The following BAZ2A variants were observed in gnomAD, a reference collection of about 807,000 sequenced individuals.
The protein encoded by BAZ2A is bromodomain adjacent to zinc finger domain protein 2A.
BAZ2A carries 34 observed loss-of-function variants against 199.9 expected under a neutral mutation model. That is an observed-to-expected ratio of 0.17 (90% confidence interval 0.13 to 0.23). The LOEUF (loss-of-function observed/expected upper bound fraction) is 0.23, where lower values mean the gene tolerates loss of function less well. BAZ2A is among the 10% of genes least tolerant of loss of function. The pLI, the probability that BAZ2A is intolerant of heterozygous loss-of-function variation, is 1.00. For missense variants in BAZ2A, 2,002 were observed against 2,391.1 expected (o/e 0.84, Z 3.39); for synonymous variants, 857 against 883.9 (o/e 0.97, Z 0.54).
chr12:56,600,169 A>G (rs1235579953), intron 24 of BAZ2A, 32 bp downstream of exon 24: 2 of 1,612,258 alleles, frequency 1.2e-6, no homozygotes, highest in African/African-American at 2.7e-5. Flanking sequence ...CTTTCTCTCC[A>G]AGACCAAGAA....
chr12:56,604,775 C>T lies in BAZ2A; in HGVS notation c.2773G>A (p.Val925Met), dbSNP rs201075316. The change falls in exon 15 of 29, where the codon GTG (valine) becomes ATG (methionine). Residue 925 changes from valine to methionine, a missense_variant. Val to Met is a conservative substitution (Grantham distance 21). Around this residue, in one of 6 missense-constraint regions of BAZ2A, gnomAD observed 1,081 missense variants for 1,274.7 expected, o/e 0.85. Coordinates refer to ENST00000549884, the MANE Select transcript of BAZ2A (RefSeq NM_001300905.2). ...CQSLKILGEK[V>M]SEIPLTRDNV... ...TCTCTTGTCAGTGGGATCTCAGACACCTTCTCCCCCAAGATCTTTAGGGAC... is the reference window on the plus strand; with the variant it reads ...TCTCTTGTCAGTGGGATCTCAGACATCTTCTCCCCCAAGATCTTTAGGGAC... 73 of 1,613,764 alleles carry T rather than the reference C, an allele frequency of 4.5e-5. No individual in the cohort carries two copies. The African/African-American group carries it at 8.5e-4, about 19-fold the overall frequency.
intron 1 of BAZ2A, among the ~76,000 whole-genome samples, chr12:56,627,608 T>C (rs1951143425): frequency 6.6e-6 from 1 of 151,896 alleles, no homozygotes; most frequent in South Asian, 2.1e-4. Flanking sequence ...GCAGGTCACT[T>C]GAGCCCAGGA....
chr12:56,601,903 C>A lies in BAZ2A; in HGVS notation c.3714G>T (p.Gln1238His), dbSNP rs753258600. The change falls in exon 20 of 29, where the codon CAG (glutamine) becomes CAT (histidine). Residue 1238 changes from glutamine (Q) to histidine (H), a missense_variant. Coordinates refer to ENST00000549884, the MANE Select transcript of BAZ2A (RefSeq NM_001300905.2). Reference protein sequence around the residue: ...PAQPQPQLQLQLQSHKGFLEQ... With the variant: ...PAQPQPQLQLHLQSHKGFLEQ... ...CCAGGAACCCCTTATGGGACTGAAG[C>A]TGAAGCTGAAGCTGAGGCTGGGGCT... The A allele has an allele frequency of 5.0e-6, 8 of 1,605,352 alleles. No homozygotes were observed. Among genetic ancestry groups the A allele is most frequent in the Non-Finnish European group, 6.8e-6 (8 of 1,175,672 alleles).
At chr12:56,610,090 CA>C in intron 9 of BAZ2A, 23 bp downstream of exon 9, 1 of 1,611,206 alleles carries the variant, frequency 6.2e-7, no homozygotes, top group Non-Finnish European at 8.5e-7. Flanking sequence ...GGGACAAAAG[CA>C]TATTTAACCC....
intron 16 of BAZ2A, among the ~76,000 whole-genome samples, chr12:56,603,927 C>T (rs999341681): frequency 6.6e-6 from 1 of 152,098 alleles, no homozygotes; most frequent in African/African-American, 2.4e-5. Flanking sequence ...GCAGAAGAAT[C>T]GCTTGAACCT....
rs1025015042 is a variant in BAZ2A at position 56,595,648 on chromosome 12, T to C, written c.*2970A>G. Reference sequence around the variant, plus strand: ...GTGGGAAGTGGTAAGCTGGTGATGGTCCCATATTTGCTATGACAGGAACAC... The same window carrying C: ...GTGGGAAGTGGTAAGCTGGTGATGGCCCCATATTTGCTATGACAGGAACAC... On this transcript the variant is annotated 3_prime_UTR_variant, in exon 29 of 29. Transcript: ENST00000549884. The C allele has an allele frequency of 2.6e-5, 4 of 152,000 alleles. No individual in the cohort carries two copies. The highest frequency in any genetic ancestry group is 9.7e-5 in the African/African-American group (4 of 41,360). The allele number at this position is 152,000 out of a possible 1,614,324, so 9.4% of individuals were successfully genotyped here. A position where few individuals can be genotyped will look rare whatever the true frequency, so the allele number is the denominator to read the frequency against.
chr12:56,624,597 TCTTA>T (rs767703568), intron 1 of BAZ2A, among the ~76,000 whole-genome samples: 12 of 149,736 alleles, frequency 8.0e-5, no homozygotes, highest in African/African-American at 1.2e-4. Flanking sequence ...TGGGCTTTGC[TCTTA>T]CTATTTTCAG....
rs760343891 is a variant in BAZ2A at position 56,602,057 on chromosome 12, C to T, written c.3560G>A (p.Arg1187Gln). 4.2e-5 allele frequency: 65 copies of T among 1,560,280 alleles called. No individual in the cohort carries two copies. The highest frequency in any genetic ancestry group is 5.6e-5 in the Non-Finnish European group (64 of 1,151,740). The change falls in exon 20 of 29, where the codon CGA (arginine) becomes CAA (glutamine). Residue 1187 changes from arginine (R) to glutamine (Q), a missense_variant. Coordinates refer to ENST00000549884, the MANE Select transcript of BAZ2A (RefSeq NM_001300905.2). The part of the protein sequence containing the change: ...NTTASSPARA[R>Q]GRPRKTKPGS... ...GGGCTTAGTTTTTCGAGGTCGGCCT[C>T]GGGCCCGGGCAGGAGAACTGGCAGT...
chr12:56,602,151 C>T lies in BAZ2A; in HGVS notation c.3466G>A (p.Val1156Met), dbSNP rs780214818. The change falls in exon 20 of 29, where the codon GTG (valine) becomes ATG (methionine). Residue 1156 changes from valine to methionine, a missense_variant. Coordinates refer to ENST00000549884, the MANE Select transcript of BAZ2A (RefSeq NM_001300905.2). ...GGGTTGAGTGACGCATGGGCTGCCA[C>T]TTTTAAGGAGTCAGTTTCCTTCTTT... is the stretch of plus-strand genomic sequence containing the variant. ...VIKKETDSLK[V>M]AAHASLNPAL... 3.8e-6 allele frequency: 6 copies of T among 1,592,078 alleles called. No homozygotes were observed. Among genetic ancestry groups the T allele is most frequent in the Non-Finnish European group, 4.3e-6 (5 of 1,168,874 alleles).
rs760343748 is a variant in BAZ2A at position 56,609,780 on chromosome 12, A to G, written c.2048T>C (p.Leu683Ser). Residue 683 changes from leucine (L) to serine (S), a missense_variant, in exon 10 of 29, where the codon TTG becomes TCG. By Grantham distance (145) the Leu-to-Ser change is moderately radical (BLOSUM62 -2). Coordinates refer to ENST00000549884, the MANE Select transcript of BAZ2A (RefSeq NM_001300905.2). Reference protein sequence around the residue: ...RPPKVKITELLNKTDNRPLKK... With the variant: ...RPPKVKITELSNKTDNRPLKK... ...TAGGGGGCGGTTGTCTGTCTTGTTC[A>G]ATAGCTCAGTGATTTTGACCTTAGG... 18 of 1,613,914 alleles carry G rather than the reference A, an allele frequency of 1.1e-5. No homozygotes were observed. The highest frequency in any genetic ancestry group is 1.4e-5 in the Non-Finnish European group (17 of 1,179,868).
At chr12:56,614,540 C>CA (rs533068772) in intron 3 of BAZ2A, among the ~76,000 whole-genome samples, 377 of 151,770 alleles carry the variant, frequency 2.5e-3, no homozygotes, top group African/African-American at 8.8e-3. Context: ...TGCTAAACAA[C>CA]AAAAAAAAGG....
chr12:56,618,751 T>C (rs1449857016), intron 1 of BAZ2A, among the ~76,000 whole-genome samples: 1 of 151,676 alleles, frequency 6.6e-6, no homozygotes, highest in Non-Finnish European at 1.5e-5. Flanking sequence ...GCACCTGTAA[T>C]CCCAGCTACT....
Position 56,599,343 on chromosome 12 carries a change from A to G in BAZ2A, c.5188T>C (p.Phe1730Leu). 6.2e-7 allele frequency: 1 copy of G among 1,613,140 alleles called. No individual in the cohort carries two copies. The highest frequency in any genetic ancestry group is 8.5e-7 in the Non-Finnish European group (1 of 1,179,764). ...VCLAQQVEGE[F>L]TQKPGFPKRG... ...TTTGGGAAACCAGGCTTCTGAGTGA[A>G]TTCTCCCTCCACCTGCTTAGTATAG... Residue 1730 changes from phenylalanine to leucine, a missense_variant, in exon 27 of 29, where the codon TTC (phenylalanine) becomes CTC (leucine). Phe to Leu is a conservative substitution (Grantham distance 22). This residue lies in a region of BAZ2A where 122 missense variants were observed against 123.0 expected (regional missense o/e 0.99). Coordinates refer to ENST00000549884, the MANE Select transcript of BAZ2A (RefSeq NM_001300905.2).
intron 2 of BAZ2A, among the ~76,000 whole-genome samples, chr12:56,616,966 G>A (rs1950743346): frequency 6.6e-6 from 1 of 152,152 alleles, no homozygotes; most frequent in Non-Finnish European, 1.5e-5. Flanking sequence ...GACAGAAGGT[G>A]GAATAAGTAC....
At chr12:56,622,429 T>C (rs1411246824) in intron 1 of BAZ2A, among the ~76,000 whole-genome samples, 1 of 152,212 alleles carries the variant, frequency 6.6e-6, no homozygotes, top group East Asian at 1.9e-4. Context: ...CTTCCTTATA[T>C]ACAATTTGAC....
intron 15 of BAZ2A, 35 bp downstream of exon 15, chr12:56,604,550 G>A: frequency 6.5e-7 from 1 of 1,536,322 alleles, no homozygotes; most frequent in Non-Finnish European, 8.8e-7. Context: ...CTGATGCAAG[G>A]GATACAATGA....
Position 56,599,718 on chromosome 12 carries a change from G to C in BAZ2A, c.5156C>G (p.Thr1719Ser). ...EAVPEGDWFC[T>S]VCLAQQVEGE... ...AAGCCTTACCTGAGCCAAACAGACA[G>C]TACAGAACCAATCTCCTTCTGGGAC... Residue 1719 changes from threonine (T) to serine (S), a missense_variant, in exon 26 of 29, where the codon ACT becomes AGT. Physicochemically the swap from Thr to Ser is moderately conservative, Grantham distance 58 (BLOSUM62 1). Transcript: ENST00000549884. 1 of 1,613,822 alleles carries C rather than the reference G, an allele frequency of 6.2e-7. No homozygotes were observed. Among genetic ancestry groups the C allele is most frequent in the Non-Finnish European group, 8.5e-7 (1 of 1,179,896 alleles).
intron 1 of BAZ2A, 63 bp from the exon 2 acceptor site, chr12:56,617,595 A>C: frequency 6.6e-7 from 1 of 1,514,474 alleles, no homozygotes; most frequent in Non-Finnish European, 8.9e-7. Flanking sequence ...TGTCACCTGG[A>C]ATCTTCCAGG....
upstream of BAZ2A, chr12:56,636,797 C>T (rs369223876): frequency 6.5e-6 from 1 of 153,100 alleles, no homozygotes; most frequent in African/African-American, 2.4e-5. Context: ...CAAATCCCAG[C>T]TTTTCTGGGA....
Sources: allele counts gnomAD v4.1 joint callset (sites outside exome capture counted in the v4.1 genomes callset), GRCh38; gene constraint gnomAD v4.1.1; regional missense constraint gnomAD v4.1.1; transcripts MANE v1.5; gene names NCBI Gene and HGNC (gene_info 2026-07-23, HGNC 2026-07-21).